CRACR2A: variants seen among roughly 807,000 people sequenced by gnomAD.
The protein encoded by CRACR2A is EF-hand calcium-binding domain-containing protein 4B.
In CRACR2A, 79 loss-of-function variants were observed where a neutral mutation model predicts 90.5. The ratio of observed to expected loss-of-function variants is 0.87; its 90% confidence interval spans 0.73 to 1.05. The LOEUF is 1.05. Among genes scored for constraint, CRACR2A ranks in the 50% least tolerant of loss-of-function variants. The pLI is 0.00. For missense variants in CRACR2A, 823 were observed against 897.2 expected, an observed-to-expected ratio of 0.92 and a Z score of 1.06; for synonymous variants, 338 against 356.7, an observed-to-expected ratio of 0.95 and a Z score of 0.59.
In CRACR2A at chr12:3,673,685, A is replaced by G. The variant is rs186156822; in HGVS notation, c.525-93T>C. On this transcript the variant is annotated intron_variant, in intron 6 of 19. Coordinates refer to ENST00000440314, the MANE Select transcript of CRACR2A (RefSeq NM_001144958.2). The stretch of plus-strand genomic sequence containing the variant: ...AGACAGGAAACTGACAGCCAGAAAC[A>G]GTACCGTCAGAATCATTATAAAGAT... 1.6e-3 allele frequency: 2,414 copies of G among 1,470,706 alleles called. 4 individuals carry two copies. Among genetic ancestry groups the G allele is most frequent in the Admixed American group, 2.5e-3 (117 of 47,142 alleles). The allele number at this position is 1,470,706 out of a possible 1,614,324, so 91.1% of individuals were successfully genotyped here. A position where few individuals can be genotyped will look rare whatever the true frequency, so the allele number is the denominator to read the frequency against.
rs1485239417 is a variant in CRACR2A at position 3,711,556 on chromosome 12, GC to G, written c.-37+1680del. On this transcript the variant is annotated intron_variant, in intron 3 of 19. Transcript: ENST00000440314. The surrounding 1 kb of genome is among the most constrained non-coding windows in gnomAD (Gnocchi z 4.3). ...TTTCATCCGAGACCTCATCAGAATG[GC>G]TTTTATCATCCATATTCCCACCAGT... Among the ~76,000 whole-genome samples the G allele has an allele frequency of 3.3e-5, 5 of 152,034 alleles. No individual in the cohort carries two copies. Among genetic ancestry groups the G allele is most frequent in the African/African-American group, 9.7e-5 (4 of 41,388 alleles).
rs566210364 is a variant in CRACR2A at position 3,627,526 on chromosome 12, G to A, written c.1842C>T (p.Phe614=). Residue 614 remains phenylalanine, a synonymous_variant, in exon 17 of 20, where the codon TTC becomes TTT. Coordinates refer to ENST00000440314, the MANE Select transcript of CRACR2A (RefSeq NM_001144958.2). ...QERYRCITQQ[F]FRKADGVIVM... ...CGATGACACCATCTGCCTTTCTGAAGAACTGCTGGGTGATGCACCGGTACC... is the reference window on the plus strand; with the variant it reads ...CGATGACACCATCTGCCTTTCTGAAAAACTGCTGGGTGATGCACCGGTACC... The A allele has an allele frequency of 5.3e-5, 82 of 1,551,658 alleles. 2 individuals are homozygous for A. The South Asian group carries it at 9.2e-4, about 17-fold the overall frequency.
intron 4 of CRACR2A, among the ~76,000 whole-genome samples, chr12:3,691,403 C>T (rs539860624): frequency 7.9e-5 from 12 of 152,244 alleles, no homozygotes; most frequent in African/African-American, 2.9e-4. Flanking sequence ...ACTTACAAAG[C>T]TTAGTTTGGC....
chr12:3,680,809 G>A (rs1270560835), intron 4 of CRACR2A, among the ~76,000 whole-genome samples: 1 of 152,132 alleles, frequency 6.6e-6, no homozygotes, highest in African/African-American at 2.4e-5. Context: ...AACTGTACAG[G>A]ACCAAATACT....
intron 2 of CRACR2A, among the ~76,000 whole-genome samples, chr12:3,714,637 T>C (rs1003316838): frequency 6.6e-6 from 1 of 152,236 alleles, no homozygotes; most frequent in Non-Finnish European, 1.5e-5. Flanking sequence ...CCTTAAGAGA[T>C]GATTTTTATT....
At chr12:3,628,173 TTCTC>T (rs890212018) in intron 15 of CRACR2A, among the ~76,000 whole-genome samples, 3 of 147,722 alleles carry the variant, frequency 2.0e-5, no homozygotes, top group Admixed American at 6.7e-5. Context: ...CTCTCTTTCT[TTCTC>T]TCTTTCTTTC....
chr12:3,660,689 T>G (rs1232643338), intron 7 of CRACR2A, among the ~76,000 whole-genome samples: 1 of 152,138 alleles, frequency 6.6e-6, no homozygotes, highest in African/African-American at 2.4e-5. Context: ...GATAGTTGCA[T>G]TTTCATACCT....
intron 10 of CRACR2A, 60 bp downstream of exon 10, chr12:3,654,152 T>C (rs564718174): frequency 2.5e-6 from 4 of 1,576,468 alleles, no homozygotes; most frequent in African/African-American, 2.8e-5. Flanking sequence ...CGAGGGGACA[T>C]GCCCATAGTG....
intron 13 of CRACR2A, among the ~76,000 whole-genome samples, chr12:3,641,481 C>CA (rs1301540075): frequency 6.6e-6 from 1 of 152,232 alleles, no homozygotes; most frequent in East Asian, 1.9e-4. Context: ...TCCCTCTCTG[C>CA]AAACACACAG....
In CRACR2A at chr12:3,633,831, C is replaced by T. The variant is rs529440446; in HGVS notation, c.1603-95G>A. 206 of 1,510,622 alleles carry T rather than the reference C, an allele frequency of 1.4e-4. 1 individual carries two copies. The South Asian group carries it at 2.4e-3, about 18-fold the overall frequency. The allele number at this position is 1,510,622 out of a possible 1,614,324, so 93.6% of individuals were successfully genotyped here. ...GCCCTTTACCCATCCCTACAGTGGC[C>T]CTCAGGAGGTGCAGACCGGCCTCTA... On this transcript the variant is annotated intron_variant, in intron 14 of 19. Coordinates refer to ENST00000440314, the MANE Select transcript of CRACR2A (RefSeq NM_001144958.2). The surrounding 1 kb of genome is among the most constrained non-coding windows in gnomAD (Gnocchi z 4.5).
intron 7 of CRACR2A, 90 bp from the exon 8 acceptor site, chr12:3,659,744 G>A: frequency 9.8e-7 from 1 of 1,016,374 alleles, no homozygotes; most frequent in East Asian, 2.4e-5. Flanking sequence ...CCCCAACTCT[G>A]GAGCTGTGGG....
In CRACR2A at chr12:3,680,229, A is replaced by G; in HGVS notation, c.340+9T>C. On this transcript the variant is annotated intron_variant, in intron 5 of 19. Transcript: ENST00000440314. ...AACCCTGAGGTCCCCAGCACCCATC[A>G]GAACTTACTAAATCCAGTAGTGAAC... is the stretch of plus-strand genomic sequence containing the variant. The G allele has an allele frequency of 6.2e-7, 1 of 1,611,924 alleles. No homozygotes were observed. The highest frequency in any genetic ancestry group is 1.1e-5 in the South Asian group (1 of 91,024).
At position 3,673,433 on chromosome 12, in the gene CRACR2A, C is replaced by A. The variant is rs1321917639; in HGVS notation, c.671+13G>T. 1 of 1,606,490 alleles carries A rather than the reference C, an allele frequency of 6.2e-7. No individual in the cohort carries two copies. The highest frequency in any genetic ancestry group is 8.5e-7 in the Non-Finnish European group (1 of 1,177,986). On this transcript the variant is annotated intron_variant, in intron 7 of 19. Coordinates refer to ENST00000440314, the MANE Select transcript of CRACR2A (RefSeq NM_001144958.2). ...ACATAGTTACAGAAAGCGGCTGACACTGGGGTACCCACCTTTTTAGGGCAC... is the reference window on the plus strand; with the variant it reads ...ACATAGTTACAGAAAGCGGCTGACAATGGGGTACCCACCTTTTTAGGGCAC...
intron 7 of CRACR2A, among the ~76,000 whole-genome samples, chr12:3,667,483 C>T (rs1176936069): frequency 1.3e-5 from 2 of 152,194 alleles, no homozygotes; most frequent in Admixed American, 1.3e-4. Context: ...GCTTGACTCC[C>T]ATTCCCCCAT....
chr12:3,640,441 A>G, intron 13 of CRACR2A: 3 of 1,067,392 alleles, frequency 2.8e-6, no homozygotes, highest in Non-Finnish European at 3.6e-6. Flanking sequence ...CTCATGTCTA[A>G]TTTATTTTTG....
At chr12:3,638,952 T>C (rs1474649723) in intron 13 of CRACR2A, among the ~76,000 whole-genome samples, 3 of 152,200 alleles carry the variant, frequency 2.0e-5, no homozygotes, top group Non-Finnish European at 4.4e-5. Flanking sequence ...CTGTGTGTCC[T>C]TAGGTAGGAC....
At chr12:3,666,917 G>T (rs577465533) in intron 7 of CRACR2A, among the ~76,000 whole-genome samples, 2 of 152,240 alleles carry the variant, frequency 1.3e-5, no homozygotes, top group South Asian at 4.1e-4. Flanking sequence ...AAATGAAAGC[G>T]TAGGCTTGGC....
chr12:3,638,278 A>G lies in CRACR2A; in HGVS notation c.1448T>C (p.Leu483Pro). 6.4e-7 allele frequency: 1 copy of G among 1,551,648 alleles called. No individual in the cohort carries two copies. The highest frequency in any genetic ancestry group is 8.7e-7 in the Non-Finnish European group (1 of 1,146,958). ...CAGGGGTTGCTCAAAGCCACCATCC[A>G]GGAGCTGGGGCAGGGGGTCTTCTTC... ...SVEEDPLPQL[L>P]DGGFEQPLSK... The change falls in exon 14 of 20, where the codon CTG becomes CCG. Residue 483 changes from leucine to proline, a missense_variant. Leu to Pro is a moderately conservative substitution (Grantham distance 98). Transcript: ENST00000440314.
At position 3,735,515 on chromosome 12, in the gene CRACR2A, C is replaced by A. The variant is rs1245442361; in HGVS notation, c.-386-2305G>T. 5.9e-5 allele frequency among the ~76,000 whole-genome samples: 9 copies of A among 152,324 alleles called. No individual in the cohort carries two copies. In the East Asian group the frequency reaches 1.7e-3, roughly 29 times the overall value. Reference sequence around the variant, plus strand: ...TGGTGGCAACTAACAGTTCCTGACACAATGACCCAGGCAGTGTTTGAAAGT... The same window carrying A: ...TGGTGGCAACTAACAGTTCCTGACAAAATGACCCAGGCAGTGTTTGAAAGT... On this transcript the variant is annotated intron_variant, in intron 1 of 19. Coordinates refer to ENST00000440314, the MANE Select transcript of CRACR2A (RefSeq NM_001144958.2).
Sources: gnomAD v4.1 joint callset for allele counts (sites outside exome capture counted in the v4.1 genomes callset) on GRCh38, gnomAD v4.1.1 for gene constraint, Gnocchi (gnomAD v3.1) non-coding constraint, MANE v1.5 for transcripts, NCBI Gene and HGNC (gene_info 2026-07-23, HGNC 2026-07-21) for gene names.